The following POLR1A variants were observed in gnomAD, a reference collection of about 807,000 sequenced individuals.
POLR1A encodes DNA-directed RNA polymerase I subunit RPA1.
In POLR1A, 84 loss-of-function variants were observed where a neutral mutation model predicts 205.3. The ratio of observed to expected loss-of-function variants is 0.41; its 90% confidence interval spans 0.34 to 0.49. POLR1A has a LOEUF of 0.49. Ranked by LOEUF, POLR1A falls within the 20% of genes least tolerant of loss-of-function variation. The pLI, the probability that POLR1A is intolerant of heterozygous loss-of-function variation, is 0.22. For synonymous variants in POLR1A, 799 were observed against 863.7 expected (o/e 0.93, Z 1.31); for missense variants, 1,645 against 2,204.5 (o/e 0.75, Z 5.08).
chr2:86,065,938 G>C (rs1673076839), intron 13 of POLR1A, among the ~76,000 whole-genome samples: 2 of 152,230 alleles, frequency 1.3e-5, no homozygotes, highest in African/African-American at 4.8e-5. Flanking sequence ...GAATGCCTAG[G>C]CACTGGGTAG....
intron 13 of POLR1A, among the ~76,000 whole-genome samples, chr2:86,068,386 C>CGGGGGGGGGGGGGGGGGGGGG (rs543719645): frequency 8.2e-5 from 1 of 12,224 alleles, no homozygotes. Context: ...AGCACATGGG[C>CGGGGGGGGGGGGGGGGGGGGG]GGGGGGGGGG....
rs1673201070 is a variant in POLR1A, at chr2:86,072,692, G to A, written c.1611+2338C>T. 2.0e-5 allele frequency among the ~76,000 whole-genome samples: 3 copies of A among 152,246 alleles called. No individual in the cohort carries two copies. In the South Asian group the frequency reaches 6.2e-4, roughly 32 times the overall value. ...CTGCTTCTGGCAGGCTGCTGAGCAG[G>A]GCAATGAGCCTTGGCTCTCCGGGCC... On this transcript the variant is annotated intron_variant, in intron 12 of 33. Coordinates refer to ENST00000263857, the MANE Select transcript of POLR1A (RefSeq NM_015425.6).
At chr2:86,034,362 G>T (rs888703255) in intron 27 of POLR1A, among the ~76,000 whole-genome samples, 1 of 152,210 alleles carries the variant, frequency 6.6e-6, no homozygotes, top group Non-Finnish European at 1.5e-5. Context: ...GCAATGTGAC[G>T]AAAGAACGAG....
chr2:86,087,020 G>A (rs1314566320), intron 6 of POLR1A, among the ~76,000 whole-genome samples: 3 of 152,118 alleles, frequency 2.0e-5, no homozygotes, highest in African/African-American at 7.2e-5. Flanking sequence ...TTGGATCCTG[G>A]AGCATAAAAA....
chr2:86,085,984 G>A (rs1218144722), intron 6 of POLR1A, among the ~76,000 whole-genome samples: 1 of 152,184 alleles, frequency 6.6e-6, no homozygotes, highest in Non-Finnish European at 1.5e-5. Context: ...GGAGCAGCAC[G>A]TGTGGCATTT....
chr2:86,034,663 A>G (rs1426353152), intron 27 of POLR1A, among the ~76,000 whole-genome samples: 3 of 152,114 alleles, frequency 2.0e-5, no homozygotes, highest in Non-Finnish European at 4.4e-5. Context: ...GGTCCCTCAC[A>G]CATCCAGCCA....
At chr2:86,081,957 A>G (rs112144129) in intron 7 of POLR1A, among the ~76,000 whole-genome samples, 3,808 of 151,954 alleles carry the variant, frequency 0.025, 143 homozygotes, top group African/African-American at 0.083. Context: ...TCAGCCTTCC[A>G]AGTAGTTGGG....
rs1553436041 is a variant in POLR1A at position 86,068,388 on chromosome 2, G to GGGGGGGC, written c.1866+1629_1866+1630insGCCCCCC. On this transcript the variant is annotated intron_variant, in intron 13 of 33. Coordinates refer to ENST00000263857, the MANE Select transcript of POLR1A (RefSeq NM_015425.6). ...ACACGCACAGCCAAGCACATGGGCG[G>GGGGGGGC]GGGGGGGGGGCGGGTGTCGTCCAAA... is the stretch of plus-strand genomic sequence containing the variant. 1.6e-4 allele frequency among the ~76,000 whole-genome samples: 19 copies of GGGGGGGC among 117,062 alleles called. 1 individual carries two copies. Among genetic ancestry groups the GGGGGGGC allele is most frequent in the African/African-American group, 5.3e-4 (16 of 29,984 alleles). The allele number at this position is 117,062 out of a possible 152,430, so 76.8% of individuals were successfully genotyped here.
Position 86,043,162 on chromosome 2 carries a change from A to C in POLR1A, c.3169T>G (p.Leu1057Val). 6.2e-7 allele frequency: 1 copy of C among 1,613,926 alleles called. No individual in the cohort carries two copies. The highest frequency in any genetic ancestry group is 8.5e-7 in the Non-Finnish European group (1 of 1,179,954). The change falls in exon 23 of 34, where the codon TTA becomes GTA. Residue 1057 changes from leucine (L) to valine (V), a missense_variant. Physicochemically the swap from Leu to Val is conservative, Grantham distance 32 (BLOSUM62 1). Transcript: ENST00000263857. ...GCTTTTTTGGGATCTGCTCTGGATA[A>C]AACTTCATGGAGATGCTGTGATTTC... ...IMKSQHLHEV[L>V]SRADPKKALH...
intron 20 of POLR1A, 85 bp from the exon 21 acceptor site, chr2:86,045,445 C>T: frequency 7.8e-7 from 1 of 1,281,280 alleles, no homozygotes; most frequent in Non-Finnish European, 1.1e-6. Flanking sequence ...CTCCAGCAGC[C>T]TTTCCTGACC....
chr2:86,027,608 G>T, intron 33 of POLR1A, 85 bp from the exon 34 acceptor site: 1 of 1,216,202 alleles, frequency 8.2e-7, no homozygotes, highest in Non-Finnish European at 1.2e-6. Context: ...GAACACTGAA[G>T]TCTCGGGACT....
At position 86,088,833 on chromosome 2, in the gene POLR1A, G is replaced by A; in HGVS notation, c.578C>T (p.Ala193Val). 6.2e-7 allele frequency: 1 copy of A among 1,613,996 alleles called. No individual in the cohort carries two copies. Among genetic ancestry groups the A allele is most frequent in the Non-Finnish European group, 8.5e-7 (1 of 1,179,924 alleles). The change falls in exon 5 of 34, where the codon GCT (alanine) becomes GTT (valine). Residue 193 changes from alanine to valine, a missense_variant. Transcript: ENST00000263857. The stretch of plus-strand genomic sequence containing the variant: ...ATTCATATGTGCCTTCCAGAAGAGA[G>A]CAATGAGCTTGCTCTTGCTCTCACA... Reference protein sequence around the residue: ...NVCESKSKLIALFWKAHMNAK... With the variant: ...NVCESKSKLIVLFWKAHMNAK...
Position 86,044,283 on chromosome 2 carries a change from C to T in POLR1A, c.2991G>A (p.Glu997=). 1.9e-6 allele frequency: 3 copies of T among 1,614,210 alleles called. No homozygotes were observed. In the South Asian group the frequency reaches 3.3e-5, roughly 18 times the overall value. Residue 997 remains glutamate, a synonymous_variant, in exon 22 of 34, where the codon GAG becomes GAA. Coordinates refer to ENST00000263857, the MANE Select transcript of POLR1A (RefSeq NM_015425.6). The part of the protein sequence containing the change: ...YLQRCIIKHL[E]GLVVQYDLTV... ...TGAGATCATACTGCACGACCAGCCC[C>T]TCTAGGTGCTTGATGATGCACCTGT...
At position 86,022,821 on chromosome 2, in the gene POLR1A, C is replaced by G. The variant is rs1690173742; in HGVS notation, c.*4602G>C. On this transcript the variant is annotated 3_prime_UTR_variant, in exon 34 of 34. Coordinates refer to ENST00000263857, the MANE Select transcript of POLR1A (RefSeq NM_015425.6). Reference sequence around the variant, plus strand: ...TCTCAAACTCCTAAGCTCAAGTGATCCTCCTGCCTGAGTCTCTTAAAGTGC... The same window carrying G: ...TCTCAAACTCCTAAGCTCAAGTGATGCTCCTGCCTGAGTCTCTTAAAGTGC... 6.6e-6 allele frequency: 1 copy of G among 152,254 alleles called. No individual in the cohort carries two copies. Among genetic ancestry groups the G allele is most frequent in the Non-Finnish European group, 1.5e-5 (1 of 68,038 alleles). The allele number at this position is 152,254 out of a possible 1,614,324, so 9.4% of individuals were successfully genotyped here.
chr2:86,070,503 G>A lies in POLR1A; in HGVS notation c.1612-231C>T, dbSNP rs1271048426. 6.6e-6 allele frequency among the ~76,000 whole-genome samples: 1 copy of A among 152,130 alleles called. No individual in the cohort carries two copies. Among genetic ancestry groups the A allele is most frequent in the African/African-American group, 2.4e-5 (1 of 41,406 alleles). ...AACCCTGATCCTGGCTCTAGGCTCA[G>A]AAGTATAAGGAACAAATAAGACCAC... On this transcript the variant is annotated intron_variant, in intron 12 of 33. Transcript: ENST00000263857. The surrounding 1 kb of genome is among the most constrained non-coding windows in gnomAD (Gnocchi z 4.4).
chr2:86,046,471 G>A (rs1044989678), intron 19 of POLR1A, among the ~76,000 whole-genome samples: 3 of 152,112 alleles, frequency 2.0e-5, no homozygotes, highest in African/African-American at 7.2e-5. Context: ...ACAATGGGGT[G>A]GGCCTTTAGA....
intron 31 of POLR1A, 100 bp downstream of exon 31, chr2:86,030,096 G>A (rs1214248404): frequency 3.2e-6 from 3 of 950,952 alleles, no homozygotes; most frequent in Non-Finnish European, 5.0e-6. Flanking sequence ...GGAAGGGCCA[G>A]AGTAAATCGC....
chr2:86,072,435 T>C (rs967484387), intron 12 of POLR1A, among the ~76,000 whole-genome samples: 5 of 152,214 alleles, frequency 3.3e-5, no homozygotes, highest in Non-Finnish European at 5.9e-5. Flanking sequence ...TCTTGCAAAT[T>C]TGAGACATCC....
chr2:86,051,478 G>T (rs1672802098), intron 16 of POLR1A, among the ~76,000 whole-genome samples: 1 of 152,162 alleles, frequency 6.6e-6, no homozygotes, highest in Non-Finnish European at 1.5e-5. Flanking sequence ...TGCAGCAGCT[G>T]CAGGTCCACA....
Sources: allele counts gnomAD v4.1 joint callset (sites outside exome capture counted in the v4.1 genomes callset), GRCh38; gene constraint gnomAD v4.1.1; non-coding constraint Gnocchi (gnomAD v3.1); transcripts MANE v1.5; gene names NCBI Gene and HGNC (gene_info 2026-07-23, HGNC 2026-07-21).